NDUFS1: variants seen among roughly 807,000 people sequenced by gnomAD.
NDUFS1 encodes the protein NADH-ubiquinone oxidoreductase 75 kDa subunit, mitochondrial.
Under a neutral mutation model 84.4 loss-of-function variants are expected in NDUFS1, and 61 were observed. The ratio of observed to expected loss-of-function variants is 0.72; its 90% confidence interval spans 0.59 to 0.89. NDUFS1 has a LOEUF of 0.89. Among genes scored for constraint, NDUFS1 ranks in the 40% least tolerant of loss-of-function variants. The probability of loss-of-function intolerance (pLI) is 0.00; values close to 1 mark genes in which losing one functional copy is unlikely to be tolerated. For missense variants in NDUFS1, 891 were observed against 890.0 expected (o/e 1.00, Z -0.01); for synonymous variants, 275 against 290.0 (o/e 0.95, Z 0.53).
chr2:206,150,412 G>C (rs144943146), intron 3 of NDUFS1, among the ~76,000 whole-genome samples: 322 of 152,230 alleles, frequency 2.1e-3, no homozygotes, highest in Non-Finnish European at 3.4e-3. Flanking sequence ...GCCCAGTAAG[G>C]GGGATTATCC....
intron 1 of NDUFS1, among the ~76,000 whole-genome samples, chr2:206,157,154 G>C (rs1213962045): frequency 6.6e-6 from 1 of 152,208 alleles, no homozygotes; most frequent in Non-Finnish European, 1.5e-5. Context: ...GTTTCGCCAT[G>C]TTGGCCAGGC....
chr2:206,144,305 T>C (rs1692077233), intron 9 of NDUFS1, among the ~76,000 whole-genome samples, 173 bp from the exon 10 acceptor site: 1 of 152,226 alleles, frequency 6.6e-6, no homozygotes, highest in Non-Finnish European at 1.5e-5. Flanking sequence ...ACTAATAGAT[T>C]TTATGAACTT....
chr2:206,134,678 A>G (rs571333680), intron 13 of NDUFS1, among the ~76,000 whole-genome samples: 1 of 152,254 alleles, frequency 6.6e-6, no homozygotes, highest in Admixed American at 6.6e-5. Flanking sequence ...AAAAGGAAAA[A>G]AACACAGATA....
Position 206,130,237 on chromosome 2 carries a change from G to A in NDUFS1, c.1559C>T (p.Ala520Val). 1 of 1,614,080 alleles carries A rather than the reference G, an allele frequency of 6.2e-7. No homozygotes were observed. Among genetic ancestry groups the A allele is most frequent in the Non-Finnish European group, 8.5e-7 (1 of 1,180,030 alleles). The part of the protein sequence containing the change: ...WKVMNILHRI[A>V]SQVAALDLGY... ...AAGGTCCAAAGCAGCTACTTGACTT[G>A]CAATCCTGCAAAGCAATTATGGAAT... Residue 520 changes from alanine to valine, a missense_variant, in exon 15 of 19, where the codon GCA becomes GTA. Coordinates refer to ENST00000233190, the MANE Select transcript of NDUFS1 (RefSeq NM_005006.7).
rs1691102904 is a variant in NDUFS1 at position 206,121,762 on chromosome 2, A to G, written c.*2423T>C. ...CCACCGCGCCCGGTCCAGACAAGGT[A>G]TTTTTTAGAGATTATGATTGTTCAC... On this transcript the variant is annotated 3_prime_UTR_variant, in exon 19 of 19. Coordinates refer to ENST00000233190, the MANE Select transcript of NDUFS1 (RefSeq NM_005006.7). 1 of 151,678 alleles carries G rather than the reference A, an allele frequency of 6.6e-6. No homozygotes were observed. Among genetic ancestry groups the G allele is most frequent in the Admixed American group, 6.6e-5 (1 of 15,214 alleles). The allele number at this position is 151,678 out of a possible 1,614,324, so 9.4% of individuals were successfully genotyped here.
Position 206,139,399 on chromosome 2 carries a change from C to G in NDUFS1, c.1263-785G>C, listed in dbSNP as rs1691848433. 2.6e-5 allele frequency among the ~76,000 whole-genome samples: 4 copies of G among 152,152 alleles called. No individual in the cohort carries two copies. In the South Asian group the frequency reaches 8.3e-4, roughly 32 times the overall value. On this transcript the variant is annotated intron_variant, in intron 12 of 18. Coordinates refer to ENST00000233190, the MANE Select transcript of NDUFS1 (RefSeq NM_005006.7). ...GCAGGCTTTCACCATGTTGGCCAGA[C>G]TGGTCTTGAACTCCTGACCTCAGGT...
chr2:206,153,784 A>T (rs1692466486), intron 1 of NDUFS1, 102 bp from the exon 2 acceptor site: 1 of 685,824 alleles, frequency 1.5e-6, no homozygotes, highest in Non-Finnish European at 2.6e-6. Flanking sequence ...ACATTATGTC[A>T]TTGAACACTC....
chr2:206,144,996 C>T lies in NDUFS1; in HGVS notation c.768G>A (p.Ala256=), dbSNP rs148726142. 5.0e-5 allele frequency: 80 copies of T among 1,613,948 alleles called. No homozygotes were observed. The highest frequency in any genetic ancestry group is 4.1e-4 in the African/African-American group (31 of 75,036). Reference sequence around the variant, plus strand: ...TGCTAACCACAATATTACTTCCAACCGCATCCATTACATCAATGGATTCTG... The same window carrying T: ...TGCTAACCACAATATTACTTCCAACTGCATCCATTACATCAATGGATTCTG... The part of the protein sequence containing the change: ...RKTESIDVMD[A]VGSNIVVSTR... Residue 256 remains alanine (A), a synonymous_variant, in exon 9 of 19, where the codon GCG becomes GCA. Coordinates refer to ENST00000233190, the MANE Select transcript of NDUFS1 (RefSeq NM_005006.7).
rs2105931787 is a variant in NDUFS1, at chr2:206,115,567, G to A, written c.*8618C>T. 1.2e-5 allele frequency: 2 copies of A among 173,460 alleles called. No homozygotes were observed. The highest frequency in any genetic ancestry group is 1.3e-4 in the South Asian group (1 of 7,878). The allele number at this position is 173,460 out of a possible 1,614,324, so 10.7% of individuals were successfully genotyped here. On this transcript the variant is annotated 3_prime_UTR_variant, in exon 19 of 19. Coordinates refer to ENST00000233190, the MANE Select transcript of NDUFS1 (RefSeq NM_005006.7). ...GTAAATTTTTTTTTTTTTTAACGAA[G>A]AAGTGAGTATTTTATTATTTTGCTG...
rs1692175490 is a variant in NDUFS1 at position 206,146,955 on chromosome 2, CTA to C, written c.683_684del (p.Val228GlyfsTer6). ...GCATAGGGCTTAGAGGTTAGGGCAC[CTA>C]CAGGGCAGATATCAATGATATTCCC... is the stretch of plus-strand genomic sequence containing the variant. The part of the protein sequence containing the change: ...LSGNIIDICP[V>X]GALTSKPYAF... On this transcript the variant is annotated frameshift_variant, in exon 8 of 19. Transcript: ENST00000233190. LOFTEE classifies it high-confidence loss of function. 2 of 1,613,972 alleles carry C rather than the reference CTA, an allele frequency of 1.2e-6. No homozygotes were observed. Among genetic ancestry groups the C allele is most frequent in the Non-Finnish European group, 1.7e-6 (2 of 1,179,996 alleles).
rs904522308 is a variant in NDUFS1 at position 206,134,382 on chromosome 2, G to A, written c.1393-1277C>T. Among the ~76,000 whole-genome samples, 7 of 152,034 alleles carry A rather than the reference G, an allele frequency of 4.6e-5. No homozygotes were observed. The South Asian group carries it at 1.0e-3, about 23-fold the overall frequency. On this transcript the variant is annotated intron_variant, in intron 13 of 18. Coordinates refer to ENST00000233190, the MANE Select transcript of NDUFS1 (RefSeq NM_005006.7). ...GGTGCAGTGGCTCAGGCCTGTAATC[G>A]CAACACTCTGGGAGGCCGAAGTGGG... is the stretch of plus-strand genomic sequence containing the variant.
chr2:206,126,382 A>T (rs184179218), intron 18 of NDUFS1, among the ~76,000 whole-genome samples, 157 bp downstream of exon 18: 1 of 152,378 alleles, frequency 6.6e-6, no homozygotes, highest in Non-Finnish European at 1.5e-5. Flanking sequence ...GAGTAGAATC[A>T]GAAAATATGC....
In NDUFS1 at chr2:206,147,492, A is replaced by T. The variant is rs753043142; in HGVS notation, c.551+39T>A. On this transcript the variant is annotated intron_variant, in intron 7 of 18. Transcript: ENST00000233190. ...TCAAATTGTGACTATTAAGTATACA[A>T]TTATATTCTATAATAGAAAAAAAAG... The T allele has an allele frequency of 3.2e-6, 5 of 1,570,542 alleles. No individual in the cohort carries two copies. The Admixed American group carries it at 8.6e-5, about 27-fold the overall frequency.
At chr2:206,135,053 C>G (rs1691657035) in intron 13 of NDUFS1, among the ~76,000 whole-genome samples, 1 of 151,006 alleles carries the variant, frequency 6.6e-6, no homozygotes, top group African/African-American at 2.4e-5. Context: ...GGGTCTTACT[C>G]TGTTGCCCAG....
In NDUFS1 at chr2:206,144,937, C is replaced by T. The variant is rs138779481; in HGVS notation, c.827G>A (p.Arg276His). 1.7e-5 allele frequency: 28 copies of T among 1,613,928 alleles called. No homozygotes were observed. The highest frequency in any genetic ancestry group is 2.2e-5 in the South Asian group (2 of 91,084). Reference sequence around the variant, plus strand: ...CTCTTCATTGATGTCCTCATGCATACGTGGCAAAATCCTCATCACTTCTCC... The same window carrying T: ...CTCTTCATTGATGTCCTCATGCATATGTGGCAAAATCCTCATCACTTCTCC... ...RTGEVMRILP[R>H]MHEDINEEWI... The change falls in exon 9 of 19, where the codon CGT becomes CAT. Residue 276 changes from arginine (R) to histidine (H), a missense_variant. Physicochemically the swap from Arg to His is conservative, Grantham distance 29 (BLOSUM62 0). Coordinates refer to ENST00000233190, the MANE Select transcript of NDUFS1 (RefSeq NM_005006.7).
rs1691146347 is a variant in NDUFS1, at chr2:206,122,949, G to A, written c.*1236C>T. ...GGGGTTTCACCATGTTGCCCAGACT[G>A]GTCTCCAACTGCCTGGGCTCAAGCG... On this transcript the variant is annotated 3_prime_UTR_variant, in exon 19 of 19. Coordinates refer to ENST00000233190, the MANE Select transcript of NDUFS1 (RefSeq NM_005006.7). The A allele has an allele frequency of 6.6e-6, 1 of 151,978 alleles. No individual in the cohort carries two copies. Among genetic ancestry groups the A allele is most frequent in the Admixed American group, 6.6e-5 (1 of 15,230 alleles). The allele number at this position is 151,978 out of a possible 1,614,324, so 9.4% of individuals were successfully genotyped here.
rs1271308538 is a variant in NDUFS1, at chr2:206,120,583, G to C, written c.*3602C>G. 1.3e-5 allele frequency: 2 copies of C among 152,366 alleles called. No homozygotes were observed. Among genetic ancestry groups the C allele is most frequent in the Non-Finnish European group, 2.9e-5 (2 of 68,180 alleles). The allele number at this position is 152,366 out of a possible 1,614,324, so 9.4% of individuals were successfully genotyped here. A position where few individuals can be genotyped will look rare whatever the true frequency, so the allele number is the denominator to read the frequency against. On this transcript the variant is annotated 3_prime_UTR_variant, in exon 19 of 19. Transcript: ENST00000233190. ...GGAATCTGTGGAAGTTTGAACTTAA[G>C]AGTGATGACTTAGGGTATCAGGGTA...
intron 15 of NDUFS1, among the ~76,000 whole-genome samples, chr2:206,129,446 A>G (rs1332675246): frequency 2.0e-5 from 3 of 152,018 alleles, no homozygotes; most frequent in South Asian, 2.1e-4. Flanking sequence ...AATTTTTTGT[A>G]GAAACAGGGT....
intron 13 of NDUFS1, among the ~76,000 whole-genome samples, chr2:206,137,318 AC>A (rs1002173906): frequency 1.5e-4 from 23 of 152,196 alleles, no homozygotes; most frequent in African/African-American, 5.3e-4. Flanking sequence ...TACTAAAAAT[AC>A]AAAAATTAGC....
Sources: gnomAD v4.1 joint callset for allele counts (sites outside exome capture counted in the v4.1 genomes callset) on GRCh38, gnomAD v4.1.1 for gene constraint, MANE v1.5 for transcripts, NCBI Gene and HGNC (gene_info 2026-07-23, HGNC 2026-07-21) for gene names.